Variants in C3orf20 observed in about 807,000 individuals in gnomAD.
C3orf20 encodes the protein uncharacterized protein C3orf20.
In C3orf20, 76 loss-of-function variants were observed where a neutral mutation model predicts 88.3. The ratio of observed to expected loss-of-function variants is 0.86; its 90% CI spans 0.72 to 1.04. C3orf20 has a LOEUF of 1.04. C3orf20 is among the 50% of genes least tolerant of loss of function. The pLI, the probability that C3orf20 is intolerant of heterozygous loss-of-function variation, is 0.00. For synonymous variants in C3orf20, 436 were observed against 437.4 expected, an observed-to-expected ratio of 1.00 and a Z score of 0.04; for missense variants, 1,056 against 1,123.3, an observed-to-expected ratio of 0.94 and a Z score of 0.86.
At chr3:14,719,001 T>C (rs1485620120) in intron 9 of C3orf20, among the ~76,000 whole-genome samples, 1 of 152,228 alleles carries the variant, frequency 6.6e-6, no homozygotes, top group Non-Finnish European at 1.5e-5. Flanking sequence ...AGTTTGGCCA[T>C]GACTGTGGCC....
At chr3:14,727,584 T>C (rs4498021) in intron 11 of C3orf20, among the ~76,000 whole-genome samples, 125,575 of 151,772 alleles carry the variant, frequency 0.83, 52,351 homozygotes, top group Non-Finnish European at 0.89. Context: ...GATACATTGA[T>C]CCTATTCTGT....
chr3:14,760,084 G>A, intron 14 of C3orf20, 86 bp downstream of exon 14: 1 of 991,566 alleles, frequency 1.0e-6, no homozygotes, highest in Admixed American at 1.8e-5. Flanking sequence ...TGTGGGAGGA[G>A]GAGGAGAGAG....
chr3:14,686,485 T>C (rs2032438661), intron 4 of C3orf20, among the ~76,000 whole-genome samples: 1 of 152,220 alleles, frequency 6.6e-6, no homozygotes, highest in Admixed American at 6.5e-5. Context: ...TCCACACTGT[T>C]GCCAGCACTT....
intron 4 of C3orf20, among the ~76,000 whole-genome samples, chr3:14,685,791 T>A (rs1235040161): frequency 6.6e-6 from 1 of 151,270 alleles, no homozygotes; most frequent in Non-Finnish European, 1.5e-5. Context: ...TTTTTCTGGC[T>A]TTTTTTTCAT....
chr3:14,691,361 G>C (rs1265939600), intron 5 of C3orf20, among the ~76,000 whole-genome samples: 3 of 152,140 alleles, frequency 2.0e-5, no homozygotes, highest in Non-Finnish European at 4.4e-5. Flanking sequence ...CCCTAGATCT[G>C]GCCCTGTGAT....
chr3:14,681,217 G>A (rs999845256), intron 1 of C3orf20, among the ~76,000 whole-genome samples: 3 of 152,218 alleles, frequency 2.0e-5, no homozygotes, highest in Admixed American at 2.0e-4. Context: ...ACCACTGGGT[G>A]GGCACACGAG....
intron 15 of C3orf20, among the ~76,000 whole-genome samples, chr3:14,769,011 G>C (rs1293320847): frequency 6.6e-6 from 1 of 152,032 alleles, no homozygotes; most frequent in Admixed American, 6.5e-5. Context: ...TGGCCTAGTC[G>C]TTCACGATCC....
At chr3:14,740,429 A>C (rs1462688447) in intron 12 of C3orf20, among the ~76,000 whole-genome samples, 1 of 152,222 alleles carries the variant, frequency 6.6e-6, no homozygotes, top group African/African-American at 2.4e-5. Context: ...CAATAGTAAC[A>C]TCAAAGATCA....
At chr3:14,675,640 C>T (rs993190877) in intron 1 of C3orf20, among the ~76,000 whole-genome samples, 12 of 152,040 alleles carry the variant, frequency 7.9e-5, no homozygotes, top group Non-Finnish European at 5.9e-5. Context: ...TGCATCTGTT[C>T]CACCCTCAAT....
At chr3:14,771,515 G>A (rs763308735) in intron 15 of C3orf20, among the ~76,000 whole-genome samples, 2 of 152,248 alleles carry the variant, frequency 1.3e-5, no homozygotes, top group African/African-American at 2.4e-5. Context: ...TTGGCCTATG[G>A]CCACAGAACT....
At position 14,704,415 on chromosome 3, in the gene C3orf20, C is replaced by T; in HGVS notation, c.957C>T (p.Pro319=). 6.2e-7 allele frequency: 1 copy of T among 1,614,098 alleles called. No homozygotes were observed. Among genetic ancestry groups the T allele is most frequent in the Non-Finnish European group, 8.5e-7 (1 of 1,180,010 alleles). The change falls in exon 7 of 17, where the codon CCC becomes CCT. Residue 319 remains proline (P), a synonymous_variant. Coordinates refer to ENST00000253697, the MANE Select transcript of C3orf20 (RefSeq NM_032137.5). ...TACGAAACTACAAGGCAAAGATGCC[C>T]TCTCATCTAATGTTGGCCCGCAAAG... The part of the protein sequence containing the change: ...MILRNYKAKM[P]SHLMLARKGD...
intron 5 of C3orf20, among the ~76,000 whole-genome samples, chr3:14,695,852 C>G (rs1407688748): frequency 6.6e-6 from 1 of 151,964 alleles, no homozygotes; most frequent in East Asian, 1.9e-4. Flanking sequence ...TTTTTTCGTT[C>G]CTTTATTTTC....
At chr3:14,727,171 T>C (rs990386902) in intron 11 of C3orf20, 147 bp downstream of exon 11, 2 of 962,082 alleles carry the variant, frequency 2.1e-6, no homozygotes, top group African/African-American at 1.6e-5. Flanking sequence ...ATAGCAGAGA[T>C]ATTTCCCCAT....
chr3:14,761,077 T>C (rs2035547317), intron 14 of C3orf20, among the ~76,000 whole-genome samples: 1 of 152,022 alleles, frequency 6.6e-6, no homozygotes, highest in Non-Finnish European at 1.5e-5. Context: ...GAAACGTACA[T>C]ACACAGCAGG....
intron 7 of C3orf20, among the ~76,000 whole-genome samples, chr3:14,711,541 C>T (rs1423590472): frequency 6.6e-6 from 1 of 151,556 alleles, no homozygotes; most frequent in African/African-American, 2.4e-5. Flanking sequence ...CACTTTCAAC[C>T]AAGTTGTGTC....
At chr3:14,759,777 G>A in intron 13 of C3orf20, 114 bp from the exon 14 acceptor site, 1 of 785,912 alleles carries the variant, frequency 1.3e-6, no homozygotes, top group Non-Finnish European at 2.2e-6. Flanking sequence ...TGGGGAGAGG[G>A]AGTTGTACAG....
In C3orf20 at chr3:14,690,028, G is replaced by A. The variant is rs747065741; in HGVS notation, c.657G>A (p.Val219=). 6.2e-7 allele frequency: 1 copy of A among 1,614,170 alleles called. No homozygotes were observed. Among genetic ancestry groups the A allele is most frequent in the South Asian group, 1.1e-5 (1 of 91,074 alleles). Reference sequence around the variant, plus strand: ...TCGCAAACATGTCCGCCATTGGGGTGAACTCGCCTTACCAGCTGATCTACC... The same window carrying A: ...TCGCAAACATGTCCGCCATTGGGGTAAACTCGCCTTACCAGCTGATCTACC... The part of the protein sequence containing the change: ...ESLANMSAIG[V]NSPYQLIYHS... Residue 219 remains valine, a synonymous_variant, in exon 5 of 17, where the codon GTG becomes GTA. Coordinates refer to ENST00000253697, the MANE Select transcript of C3orf20 (RefSeq NM_032137.5).
chr3:14,752,466 C>A (rs1485011140), intron 12 of C3orf20, among the ~76,000 whole-genome samples: 2 of 152,138 alleles, frequency 1.3e-5, no homozygotes, highest in Non-Finnish European at 2.9e-5. Context: ...GCAATGGCAA[C>A]AATAGCCAAA....
intron 9 of C3orf20, among the ~76,000 whole-genome samples, chr3:14,720,093 G>T (rs1033196513): frequency 1.6e-4 from 24 of 152,178 alleles, no homozygotes; most frequent in African/African-American, 4.6e-4. Context: ...GTAGTGGCGT[G>T]ATCTCAGCTC....
Sources: allele counts gnomAD v4.1 joint callset (sites outside exome capture counted in the v4.1 genomes callset), GRCh38; gene constraint gnomAD v4.1.1; transcripts MANE v1.5; gene names NCBI Gene and HGNC (gene_info 2026-07-23, HGNC 2026-07-21).